Variants in CDKL5 observed in about 807,000 individuals in gnomAD.
CDKL5 encodes the protein cyclin dependent kinase like 5, also known as cyclin-dependent kinase-like 5.
A neutral mutation model predicts 61.7 loss-of-function variants in CDKL5; 8 were observed. That is an observed-to-expected ratio of 0.13 (90% confidence interval 0.08 to 0.23). CDKL5 has a LOEUF of 0.23. Among genes scored for constraint, CDKL5 ranks in the 10% least tolerant of loss-of-function variants. The pLI, the probability that CDKL5 is intolerant of heterozygous loss-of-function variation, is 1.00. For synonymous variants in CDKL5, 275 were observed against 272.3 expected (o/e 1.01, Z -0.10); for missense variants, 440 against 734.5 (o/e 0.60, Z 4.63).
At chrX:18,543,512 A>C (rs1330103412) in intron 3 of CDKL5, among the ~76,000 whole-genome samples, 1 of 110,698 alleles carries the variant, frequency 9.0e-6, no homozygotes, top group Non-Finnish European at 1.9e-5. Context: ...ACCTGGAAGG[A>C]GTGGGGCTGC....
intron 8 of CDKL5, among the ~76,000 whole-genome samples, chrX:18,587,448 T>G (rs1036618651): frequency 2.1e-4 from 24 of 111,778 alleles, no homozygotes; most frequent in African/African-American, 7.5e-4. Context: ...CATCAGAAAC[T>G]GTGATGCTGA....
intron 9 of CDKL5, 51 bp from the exon 10 acceptor site, chrX:18,595,297 C>T (rs1308254541): frequency 1.1e-6 from 1 of 877,678 alleles, no homozygotes. Flanking sequence ...AGCACGTGCA[C>T]ACACATGTCC....
At chrX:18,429,660 G>A (rs1040301654) in intron 1 of CDKL5, among the ~76,000 whole-genome samples, 2 of 111,702 alleles carry the variant, frequency 1.8e-5, no homozygotes, top group African/African-American at 6.5e-5. Flanking sequence ...TTTTGACACC[G>A]GGTCTCACTC....
chrX:18,599,463 T>C (rs1255903557), intron 11 of CDKL5, among the ~76,000 whole-genome samples: 2 of 112,358 alleles, frequency 1.8e-5, no homozygotes, highest in African/African-American at 6.5e-5. Context: ...TATTTTTTAG[T>C]TTTTTTAGAG....
intron 1 of CDKL5, among the ~76,000 whole-genome samples, chrX:18,431,754 A>G (rs138279480): frequency 9.4e-4 from 105 of 111,236 alleles, no homozygotes; most frequent in African/African-American, 3.3e-3. Flanking sequence ...ACATACCATA[A>G]AACTCACCTT....
Position 18,604,587 on chromosome X carries a change from C to T in CDKL5, c.1663C>T (p.Leu555=), listed in dbSNP as rs775006943. 6 of 1,211,891 alleles carry T rather than the reference C, an allele frequency of 5.0e-6. No homozygotes were observed. ...AAGAAATAACCGAAATGAGGGAACG[C>T]TGGACTCACGTCGAACCACAACCAG... ...SGRNNRNEGT[L]DSRRTTTRHS... is the part of the protein sequence containing the mutation. The change falls in exon 12 of 18, where the codon CTG becomes TTG. Residue 555 remains leucine (L), a synonymous_variant. Transcript: ENST00000623535.
intron 1 of CDKL5, among the ~76,000 whole-genome samples, chrX:18,479,905 T>C (rs1217377692): frequency 8.9e-6 from 1 of 112,298 alleles, no homozygotes; most frequent in Non-Finnish European, 1.9e-5. Flanking sequence ...TTTTTAAAAA[T>C]AAGCTTCATA....
At chrX:18,651,132 C>G (rs1299895622) in intron 21 of CDKL5, among the ~76,000 whole-genome samples, 1 of 101,161 alleles carries the variant, frequency 9.9e-6, no homozygotes, top group Non-Finnish European at 2.0e-5. Context: ...CCCCCACCAC[C>G]GCACCCCCCG....
chrX:18,575,177 T>G (rs1291865208), intron 4 of CDKL5, among the ~76,000 whole-genome samples, 177 bp from the exon 5 acceptor site: 1 of 112,455 alleles, frequency 8.9e-6, no homozygotes, highest in Non-Finnish European at 1.9e-5. Context: ...TTCGATTTTC[T>G]TATTCTTGAT....
At chrX:18,440,771 C>G (rs925485378) in intron 1 of CDKL5, among the ~76,000 whole-genome samples, 1 of 111,734 alleles carries the variant, frequency 8.9e-6, no homozygotes, top group Non-Finnish European at 1.9e-5. Flanking sequence ...GTCTTTCCTT[C>G]TGCTAGGCCG....
At chrX:18,490,953 C>T (rs1012327937) in intron 1 of CDKL5, among the ~76,000 whole-genome samples, 2 of 112,134 alleles carry the variant, frequency 1.8e-5, no homozygotes, top group Non-Finnish European at 3.8e-5. Context: ...GTCCATGCCT[C>T]GCAAAGTTGC....
intron 1 of CDKL5, among the ~76,000 whole-genome samples, chrX:18,456,328 G>A (rs922890450): frequency 1.3e-4 from 15 of 111,399 alleles, no homozygotes; most frequent in Non-Finnish European, 2.6e-4. Context: ...GTGAGCCACC[G>A]CGCCCGCCCG....
chrX:18,628,287 A>C, intron 17 of CDKL5, 84 bp from the exon 18 acceptor site: 1 of 956,343 alleles, frequency 1.0e-6, no homozygotes, highest in Non-Finnish European at 1.5e-6. Context: ...ACACCCAGTC[A>C]CCTCACCTCT....
At chrX:18,462,745 C>T (rs1012979695) in intron 1 of CDKL5, among the ~76,000 whole-genome samples, 1 of 111,602 alleles carries the variant, frequency 9.0e-6, no homozygotes, top group Admixed American at 9.5e-5. Flanking sequence ...TACTGGAGGC[C>T]GGGCGTGGTG....
intron 1 of CDKL5, among the ~76,000 whole-genome samples, chrX:18,429,494 A>G (rs1379051567): frequency 4.5e-5 from 5 of 112,141 alleles, no homozygotes; most frequent in East Asian, 2.8e-4. Context: ...ATACATGTCA[A>G]ATGGGCTCAG....
chrX:18,535,935 G>A (rs1409701834), intron 3 of CDKL5: 2 of 112,006 alleles, frequency 1.8e-5, no homozygotes, highest in Non-Finnish European at 3.8e-5. Flanking sequence ...ACAAGGAAGT[G>A]AGCAAAAACC....
intron 1 of CDKL5, among the ~76,000 whole-genome samples, chrX:18,433,340 G>A (rs1208081230): frequency 8.9e-6 from 1 of 111,806 alleles, no homozygotes; most frequent in Non-Finnish European, 1.9e-5. Context: ...ATCACCTGAG[G>A]TCGGGAGTTC....
downstream of CDKL5, among the ~76,000 whole-genome samples, chrX:18,645,180 G>T (rs1045405780): frequency 2.7e-5 from 3 of 111,929 alleles, no homozygotes; most frequent in African/African-American, 9.8e-5. Flanking sequence ...ATAAATCGTG[G>T]AAACCTATAG....
rs61752063 is a variant in CDKL5, at chrX:18,647,231, A to G, written c.2797+1141A>G. 5.0e-6 allele frequency: 6 copies of G among 1,211,025 alleles called. No homozygotes were observed. The highest frequency in any genetic ancestry group is 6.7e-6 in the Non-Finnish European group (6 of 895,363). On this transcript the variant is annotated intron_variant, in intron 20 of 21. Transcript: ENST00000379989. ...TTGAGCCGGGCCTTGTTTGCAGTCC[A>G]CGAAGAATACCAGCCCACATACTGC...
Sources: allele counts gnomAD v4.1 joint callset (sites outside exome capture counted in the v4.1 genomes callset), GRCh38; gene constraint gnomAD v4.1.1; transcripts MANE v1.5; gene names NCBI Gene and HGNC (gene_info 2026-07-23, HGNC 2026-07-21).